Variants in PHACTR4 observed in about 807,000 individuals in gnomAD.
The protein encoded by PHACTR4 is protein phosphatase 1, regulatory subunit 124.
A neutral mutation model predicts 72.7 loss-of-function variants in PHACTR4; 51 were observed. That is an observed-to-expected ratio of 0.70 (90% CI 0.56 to 0.89). The LOEUF (loss-of-function observed/expected upper bound fraction) is 0.89. Among genes scored for constraint, PHACTR4 ranks in the 40% least tolerant of loss-of-function variants. PHACTR4 has a pLI of 0.00. For synonymous variants in PHACTR4, 255 were observed against 302.5 expected (o/e 0.84, Z 1.63); for missense variants, 731 against 861.8 (o/e 0.85, Z 1.90).
At chr1:28,379,445 T>A (rs950688697) in intron 1 of PHACTR4, among the ~76,000 whole-genome samples, 44 of 151,430 alleles carry the variant, frequency 2.9e-4, no homozygotes, top group African/African-American at 1.0e-3. Context: ...GCTGATTTTT[T>A]AAAATTTTTG....
intron 1 of PHACTR4, among the ~76,000 whole-genome samples, chr1:28,379,090 G>A (rs980080969): frequency 5.3e-5 from 8 of 152,050 alleles, no homozygotes; most frequent in African/African-American, 1.9e-4. Context: ...CTGAGTAGCT[G>A]GGACTACAGG....
In PHACTR4 at chr1:28,465,802, C is replaced by G; in HGVS notation, c.389C>G (p.Ala130Gly). Residue 130 changes from alanine (A) to glycine (G), a missense_variant, in exon 5 of 14, where the codon GCA (alanine) becomes GGA (glycine). By Grantham distance (60) the Ala-to-Gly change is moderately conservative. Coordinates refer to ENST00000373839, the MANE Select transcript of PHACTR4 (RefSeq NM_001048183.3). ...VQVEEEPVRL[A>G]SLRKAIPEED... ...GTAGAGGAAGAGCCAGTAAGATTAG[C>G]AAGTCTTAGGAAAGCTATTCCAGAA... The G allele has an allele frequency of 1.2e-6, 2 of 1,610,352 alleles. No individual in the cohort carries two copies. Among genetic ancestry groups the G allele is most frequent in the African/African-American group, 1.3e-5 (1 of 74,886 alleles).
chr1:28,484,351 G>A (rs1281355920), intron 9 of PHACTR4, among the ~76,000 whole-genome samples: 2 of 151,952 alleles, frequency 1.3e-5, no homozygotes, highest in Admixed American at 6.6e-5. Flanking sequence ...GCCAGGCATG[G>A]TAGCATGCCC....
At chr1:28,449,366 A>C (rs945549900) in intron 2 of PHACTR4, among the ~76,000 whole-genome samples, 2 of 152,098 alleles carry the variant, frequency 1.3e-5, no homozygotes, top group Admixed American at 6.6e-5. Context: ...AAAATAAATA[A>C]TTGGTTGTAA....
chr1:28,476,839 C>T (rs1283577907), intron 8 of PHACTR4, among the ~76,000 whole-genome samples: 1 of 135,920 alleles, frequency 7.4e-6, no homozygotes, highest in African/African-American at 2.9e-5. Context: ...GGTGCGATCT[C>T]GGCTCAGTTT....
chr1:28,426,220 C>CA (rs34637242), intron 2 of PHACTR4, among the ~76,000 whole-genome samples: 57,262 of 147,008 alleles, frequency 0.39, 12,388 homozygotes, highest in African/African-American at 0.6. Context: ...GAAACCTTCT[C>CA]AAAAAAAAAA....
At chr1:28,456,370 A>G (rs1197711629) in intron 2 of PHACTR4, among the ~76,000 whole-genome samples, 1 of 152,248 alleles carries the variant, frequency 6.6e-6, no homozygotes, top group Non-Finnish European at 1.5e-5. Flanking sequence ...GGATGGTGCT[A>G]AACTATTCAT....
At chr1:28,400,376 T>TAA (rs60558818) in intron 1 of PHACTR4, among the ~76,000 whole-genome samples, 5 of 129,418 alleles carry the variant, frequency 3.9e-5, no homozygotes, top group African/African-American at 5.6e-5. Context: ...CCATCTCAAT[T>TAA]AAAAAAAAAA....
At position 28,491,637 on chromosome 1, in the gene PHACTR4, C is replaced by T. The variant is rs768281759; in HGVS notation, c.1879-13C>T. ...TATTGGCTTGGTGAACTAAGAGGCT[C>T]CGTTTCCTTCAGCTCAGTCAAAGGC... is the stretch of plus-strand genomic sequence containing the variant. On this transcript the variant is annotated splice_polypyrimidine_tract_variant and intron_variant, in intron 11 of 13. Coordinates refer to ENST00000373839, the MANE Select transcript of PHACTR4 (RefSeq NM_001048183.3). 3 of 1,613,736 alleles carry T rather than the reference C, an allele frequency of 1.9e-6. No homozygotes were observed. Among genetic ancestry groups the T allele is most frequent in the African/African-American group, 1.3e-5 (1 of 74,886 alleles).
At position 28,395,818 on chromosome 1, in the gene PHACTR4, A is replaced by ATT. The variant is rs754161784; in HGVS notation, c.-38-11569_-38-11568dup. The stretch of plus-strand genomic sequence containing the variant: ...ACTGTTACAATTACACGCCTGGCTA[A>ATT]TTTTTTTTTTTTTTTTTTTTTTTTA... On this transcript the variant is annotated intron_variant, in intron 1 of 13. Coordinates refer to ENST00000373839, the MANE Select transcript of PHACTR4 (RefSeq NM_001048183.3). Among the ~76,000 whole-genome samples, 419 of 74,990 alleles carry ATT rather than the reference A, an allele frequency of 5.6e-3. 61 individuals are homozygous for ATT. Among genetic ancestry groups the ATT allele is most frequent in the African/African-American group, 0.03 (373 of 12,530 alleles). 49.2% of individuals were successfully genotyped at this position (74,990 alleles called of 152,430 possible).
At chr1:28,370,056 G>A (rs1034252562) in intron 1 of PHACTR4, among the ~76,000 whole-genome samples, 1 of 151,730 alleles carries the variant, frequency 6.6e-6, no homozygotes, top group Non-Finnish European at 1.5e-5. Flanking sequence ...CAGGGCCCGC[G>A]CAGGCTCGCC....
chr1:28,386,728 A>G (rs546448513), intron 1 of PHACTR4, among the ~76,000 whole-genome samples: 1 of 152,140 alleles, frequency 6.6e-6, no homozygotes, highest in Non-Finnish European at 1.5e-5. Flanking sequence ...CTTGTAAGAC[A>G]CCAAATAATG....
chr1:28,443,351 G>A (rs185289047), intron 2 of PHACTR4, among the ~76,000 whole-genome samples: 31 of 151,626 alleles, frequency 2.0e-4, no homozygotes, highest in African/African-American at 7.5e-4. Context: ...GCGCGATCTC[G>A]GCTCACTGCA....
intron 2 of PHACTR4, among the ~76,000 whole-genome samples, chr1:28,423,753 G>A (rs1396970108): frequency 5.3e-5 from 8 of 152,100 alleles, no homozygotes; most frequent in Non-Finnish European, 1.2e-4. Context: ...AATAATAAAT[G>A]CTGTCTTGCT....
chr1:28,474,885 A>G (rs1477245098), intron 7 of PHACTR4, among the ~76,000 whole-genome samples: 2 of 152,088 alleles, frequency 1.3e-5, no homozygotes, highest in East Asian at 3.9e-4. Context: ...TGCCAAAAGA[A>G]TAAGTTATAG....
intron 2 of PHACTR4, among the ~76,000 whole-genome samples, chr1:28,446,649 TG>T (rs774151171): frequency 2.0e-3 from 297 of 152,082 alleles, no homozygotes; most frequent in Non-Finnish European, 3.3e-3. Flanking sequence ...CATGGTGGCG[TG>T]TGCCTGTAGT....
At chr1:28,466,275 T>G in intron 5 of PHACTR4, 107 bp from the exon 6 acceptor site, 1 of 1,269,284 alleles carries the variant, frequency 7.9e-7, no homozygotes. Context: ...TAAGCTAATC[T>G]ATAAATTAAT....
At chr1:28,448,282 G>A (rs941047123) in intron 2 of PHACTR4, among the ~76,000 whole-genome samples, 7 of 151,978 alleles carry the variant, frequency 4.6e-5, no homozygotes, top group African/African-American at 1.2e-4. Flanking sequence ...TTGGGAGGTC[G>A]AAGCGGATAG....
rs200718552 is a variant in PHACTR4, at chr1:28,384,287, G to A, written c.-39+14462G>A. ...GTAGAATTCAGCTGTGAATCCATCC[G>A]GTCCTGGGCTCTTTTTGGCTGATAG... On this transcript the variant is annotated intron_variant, in intron 1 of 13. Coordinates refer to ENST00000373839, the MANE Select transcript of PHACTR4 (RefSeq NM_001048183.3). Among the ~76,000 whole-genome samples the A allele has an allele frequency of 2.0e-4, 30 of 152,156 alleles. No individual in the cohort carries two copies. The East Asian group carries it at 5.2e-3, about 26-fold the overall frequency.
Sources: allele counts gnomAD v4.1 joint callset (sites outside exome capture counted in the v4.1 genomes callset), GRCh38; gene constraint gnomAD v4.1.1; transcripts MANE v1.5; gene names NCBI Gene and HGNC (gene_info 2026-07-23, HGNC 2026-07-21).